ANAPC1: variants seen among roughly 807,000 people sequenced by gnomAD.
The protein encoded by ANAPC1 is anaphase promoting complex subunit 1, also known as anaphase-promoting complex subunit 1.
ANAPC1 carries 36 observed loss-of-function variants against 208.0 expected under a neutral mutation model. The observed-to-expected ratio is 0.17, with a 90% confidence interval of 0.13 to 0.23. The LOEUF is 0.23. Among genes scored for constraint, ANAPC1 ranks in the 10% least tolerant of loss-of-function variants. The pLI is 1.00. For missense variants in ANAPC1, 942 were observed against 2,011.6 expected (o/e 0.47, Z 10.17); for synonymous variants, 378 against 695.2 (o/e 0.54, Z 7.18).
At chr2:111,807,196 C>CTAAA (rs1274153432) in intron 29 of ANAPC1, among the ~76,000 whole-genome samples, 2 of 76,692 alleles carry the variant, frequency 2.6e-5, no homozygotes, top group African/African-American at 1.0e-4. Context: ...GACTCTGTCT[C>CTAAA]TAAATAAATA....
chr2:111,794,567 C>A (rs970435445), intron 35 of ANAPC1, among the ~76,000 whole-genome samples: 1 of 151,774 alleles, frequency 6.6e-6, no homozygotes, highest in African/African-American at 2.4e-5. Flanking sequence ...AAAATTGTTG[C>A]CAATTTCTTT....
Position 111,823,494 on chromosome 2 carries a change from T to A in ANAPC1, c.2813-894A>T, listed in dbSNP as rs538888813. On this transcript the variant is annotated intron_variant, in intron 24 of 47. Coordinates refer to ENST00000341068, the MANE Select transcript of ANAPC1 (RefSeq NM_022662.4). Reference sequence around the variant, plus strand: ...AATATTCATTAGCAATACTGGTTTGTTATGGAAAAAAAAAAAGAGATGGAG... The same window carrying A: ...AATATTCATTAGCAATACTGGTTTGATATGGAAAAAAAAAAAGAGATGGAG... 3.0e-4 allele frequency among the ~76,000 whole-genome samples: 45 copies of A among 151,842 alleles called. 1 individual carries two copies. The South Asian group carries it at 7.9e-3, about 27-fold the overall frequency.
In ANAPC1 at chr2:111,832,322, A is replaced by G. The variant is rs548179806; in HGVS notation, c.2477-888T>C. 7.8e-3 allele frequency among the ~76,000 whole-genome samples: 1,184 copies of G among 151,616 alleles called. 18 individuals are homozygous for G. Among genetic ancestry groups the G allele is most frequent in the African/African-American group, 0.027 (1,107 of 41,280 alleles). ...TGTCTCAAGAAAAAAAAAAAAAAAA[A>G]AAGAAGAATCTAATCAAAAATCTTG... On this transcript the variant is annotated intron_variant, in intron 20 of 47. Transcript: ENST00000341068.
At chr2:111,769,767 C>G (rs981540301) in intron 47 of ANAPC1, among the ~76,000 whole-genome samples, 33 of 143,762 alleles carry the variant, frequency 2.3e-4, no homozygotes, top group Non-Finnish European at 3.8e-4. Context: ...CTGCAAACTC[C>G]ACCTCCTGGG....
intron 38 of ANAPC1, among the ~76,000 whole-genome samples, chr2:111,790,844 A>T (rs1677835962): frequency 6.6e-6 from 1 of 152,234 alleles, no homozygotes; most frequent in African/African-American, 2.4e-5. Context: ...TAATCAATAC[A>T]AAGCTAAACC....
chr2:111,872,807 A>G lies in ANAPC1; in HGVS notation c.529-95T>C, dbSNP rs1347504016. ...ACATTACAGAATGTTTTATTTTCCA[A>G]TTTAGTAATAGCTTTACAAAGTAAC... On this transcript the variant is annotated intron_variant, in intron 5 of 47. Coordinates refer to ENST00000341068, the MANE Select transcript of ANAPC1 (RefSeq NM_022662.4). 9 of 771,082 alleles carry G rather than the reference A, an allele frequency of 1.2e-5. No homozygotes were observed. In the East Asian group the frequency reaches 2.4e-4, roughly 21 times the overall value. 47.8% of individuals were successfully genotyped at this position (771,082 alleles called of 1,614,324 possible). A position where few individuals can be genotyped will look rare whatever the true frequency, so the allele number is the denominator to read the frequency against.
At chr2:111,770,868 C>T (rs1420615680) in intron 47 of ANAPC1, among the ~76,000 whole-genome samples, 1 of 151,466 alleles carries the variant, frequency 6.6e-6, no homozygotes, top group Non-Finnish European at 1.5e-5. Context: ...ATGATAACTC[C>T]AATATCTGAA....
chr2:111,838,589 A>C, intron 17 of ANAPC1, 77 bp from the exon 18 acceptor site: 1 of 1,270,666 alleles, frequency 7.9e-7, no homozygotes, highest in South Asian at 1.5e-5. Flanking sequence ...AGGATTCAGA[A>C]ATCAGTTCTG....
intron 20 of ANAPC1, among the ~76,000 whole-genome samples, chr2:111,832,328 G>T (rs899841048): frequency 4.9e-5 from 7 of 141,958 alleles, no homozygotes; most frequent in Admixed American, 2.1e-4. Flanking sequence ...AAAAAAAGAA[G>T]AATCTAATCA....
intron 21 of ANAPC1, among the ~76,000 whole-genome samples, chr2:111,828,048 G>A (rs1679932315): frequency 6.6e-6 from 1 of 151,978 alleles, no homozygotes; most frequent in Non-Finnish European, 1.5e-5. Flanking sequence ...TCATGTATCT[G>A]ACACATTAAT....
chr2:111,840,152 T>C (rs953912881), intron 17 of ANAPC1, among the ~76,000 whole-genome samples: 9 of 152,064 alleles, frequency 5.9e-5, no homozygotes, highest in Admixed American at 2.6e-4. Flanking sequence ...GTTCCTACAA[T>C]GTACAGTCCA....
At chr2:111,791,743 A>G (rs575790894) in intron 38 of ANAPC1, among the ~76,000 whole-genome samples, 2 of 152,282 alleles carry the variant, frequency 1.3e-5, no homozygotes, top group Admixed American at 6.5e-5. Flanking sequence ...CTTTGGGGAA[A>G]GGAAGATAAT....
intron 22 of ANAPC1, 149 bp from the exon 23 acceptor site, chr2:111,825,316 T>G (rs1366093935): frequency 8.4e-7 from 1 of 1,190,288 alleles, no homozygotes; most frequent in South Asian, 1.6e-5. Context: ...GGCTGAAAAG[T>G]ACAGTCAAGG....
At chr2:111,787,664 G>C (rs908239034) in intron 39 of ANAPC1, among the ~76,000 whole-genome samples, 1 of 151,898 alleles carries the variant, frequency 6.6e-6, no homozygotes, top group Non-Finnish European at 1.5e-5. Flanking sequence ...AAGTGTTGGT[G>C]GTTCCTCGTA....
At chr2:111,803,386 A>G (rs1416532265) in intron 32 of ANAPC1, 62 bp downstream of exon 32, 2 of 309,972 alleles carry the variant, frequency 6.5e-6, no homozygotes, top group African/African-American at 1.1e-4. Context: ...GAATTTTACA[A>G]CCAAGGTCAG....
At chr2:111,831,788 C>A (rs1680147262) in intron 20 of ANAPC1, among the ~76,000 whole-genome samples, 1 of 134,220 alleles carries the variant, frequency 7.5e-6, no homozygotes, top group Non-Finnish European at 1.5e-5. Flanking sequence ...TTGCAGTGAG[C>A]CGAGATCACG....
chr2:111,771,972 C>A lies in ANAPC1; in HGVS notation c.5719+369G>T, dbSNP rs1164584888. Among the ~76,000 whole-genome samples, 15 of 147,978 alleles carry A rather than the reference C, an allele frequency of 1.0e-4. 1 individual carries two copies. Among genetic ancestry groups the A allele is most frequent in the Non-Finnish European group, 2.1e-4 (14 of 67,022 alleles). On this transcript the variant is annotated intron_variant, in intron 47 of 47. Coordinates refer to ENST00000341068, the MANE Select transcript of ANAPC1 (RefSeq NM_022662.4). ...AATTAGGTATTTATTAGTTGTAAAG[C>A]TTTGTAATATTAGAAATTAAGATTA... is the stretch of plus-strand genomic sequence containing the variant.
intron 29 of ANAPC1, among the ~76,000 whole-genome samples, chr2:111,808,017 T>C (rs1035747234): frequency 2.7e-5 from 4 of 147,572 alleles, no homozygotes; most frequent in South Asian, 2.1e-4. Context: ...GACTAAATTA[T>C]GGGTCCCAAT....
At chr2:111,853,438 TTTTGGCAATTCTGTTCAAG>T (rs898955595) in intron 13 of ANAPC1, among the ~76,000 whole-genome samples, 3 of 152,114 alleles carry the variant, frequency 2.0e-5, no homozygotes, top group African/African-American at 4.8e-5. Context: ...GATCATAAGA[TTTTGGCAATTCTGTTCAAG>T]TTTGGCAATT....
Sources: gnomAD v4.1 joint callset for allele counts (sites outside exome capture counted in the v4.1 genomes callset) on GRCh38, gnomAD v4.1.1 for gene constraint, MANE v1.5 for transcripts, NCBI Gene and HGNC (gene_info 2026-07-23, HGNC 2026-07-21) for gene names.